The following SGMS1 variants were observed in gnomAD, a reference collection of about 807,000 sequenced individuals.
SGMS1 encodes the protein phosphatidylcholine:ceramide cholinephosphotransferase 1.
In SGMS1, 13 loss-of-function variants were observed where a neutral mutation model predicts 46.2. The ratio of observed to expected loss-of-function variants is 0.28; its 90% confidence interval spans 0.18 to 0.45. The LOEUF (loss-of-function observed/expected upper bound fraction) is 0.45, where lower values mean the gene tolerates loss of function less well. Ranked by LOEUF, SGMS1 falls within the 20% of genes least tolerant of loss-of-function variation. The pLI, the probability that SGMS1 is intolerant of heterozygous loss-of-function variation, is 1.00. For synonymous variants in SGMS1, 203 were observed against 187.8 expected (o/e 1.08, Z -0.66); for missense variants, 324 against 519.9 (o/e 0.62, Z 3.66).
chr10:50,482,982 G>C (rs1837490147), intron 3 of SGMS1, among the ~76,000 whole-genome samples: 1 of 152,146 alleles, frequency 6.6e-6, no homozygotes, highest in African/African-American at 2.4e-5. Flanking sequence ...AATGGTAAAG[G>C]GTTCAATTCC....
chr10:50,588,813 T>G (rs965805880), intron 2 of SGMS1, among the ~76,000 whole-genome samples: 2 of 135,432 alleles, frequency 1.5e-5, no homozygotes, highest in African/African-American at 2.8e-5. Context: ...CACCGCAACC[T>G]CTGCCTCCCA....
In SGMS1 at chr10:50,501,404, C is replaced by T. The variant is rs534058580; in HGVS notation, c.-498+18427G>A. On this transcript the variant is annotated intron_variant, in intron 3 of 10. Transcript: ENST00000361781. ...TGTATTTTCTACATTTTATATAAAA[C>T]TTTATATTATATACAAAAGTACTCT... 9.1e-4 allele frequency among the ~76,000 whole-genome samples: 139 copies of T among 152,218 alleles called. 1 individual carries two copies. The Middle Eastern group carries it at 0.031, about 34-fold the overall frequency.
At chr10:50,413,920 C>G (rs888463877) in intron 6 of SGMS1, among the ~76,000 whole-genome samples, 1 of 152,250 alleles carries the variant, frequency 6.6e-6, no homozygotes, top group Non-Finnish European at 1.5e-5. Flanking sequence ...GTGACCATCT[C>G]TCTTTTACCA....
intron 1 of SGMS1, among the ~76,000 whole-genome samples, chr10:50,604,677 CAT>C (rs761533813): frequency 3.3e-5 from 5 of 152,204 alleles, no homozygotes; most frequent in East Asian, 1.9e-4. Flanking sequence ...AAGTATTAAA[CAT>C]GTGTGTTTAC....
chr10:50,623,113 C>G (rs530971905), intron 1 of SGMS1, among the ~76,000 whole-genome samples: 3 of 151,812 alleles, frequency 2.0e-5, no homozygotes, highest in Admixed American at 6.5e-5. Flanking sequence ...AGAAGGGGAG[C>G]GCTCCTCGGG....
intron 3 of SGMS1, among the ~76,000 whole-genome samples, chr10:50,471,442 C>T (rs983130120): frequency 1.3e-5 from 2 of 152,166 alleles, no homozygotes; most frequent in African/African-American, 4.8e-5. Context: ...TCAACCAACA[C>T]AACCACTTCC....
chr10:50,421,570 C>T (rs997997126), intron 6 of SGMS1, among the ~76,000 whole-genome samples: 1 of 152,136 alleles, frequency 6.6e-6, no homozygotes, highest in African/African-American at 2.4e-5. Context: ...AACTGACCAC[C>T]TCTCAGTCAC....
intron 2 of SGMS1, among the ~76,000 whole-genome samples, chr10:50,558,575 G>A (rs1370322691): frequency 1.3e-5 from 2 of 152,136 alleles, no homozygotes; most frequent in Non-Finnish European, 2.9e-5. Flanking sequence ...CCAAGGCCTG[G>A]AACCAAATGT....
intron 5 of SGMS1, among the ~76,000 whole-genome samples, chr10:50,448,128 T>C (rs1256773580): frequency 6.6e-6 from 1 of 152,084 alleles, no homozygotes; most frequent in Non-Finnish European, 1.5e-5. Flanking sequence ...CACCACTGTA[T>C]ATTCAGCTGT....
chr10:50,333,150 C>T (rs1021310585), intron 7 of SGMS1, among the ~76,000 whole-genome samples: 18 of 152,082 alleles, frequency 1.2e-4, no homozygotes, highest in African/African-American at 3.9e-4. Flanking sequence ...TCACCATTAC[C>T]AACAAAAATG....
At chr10:50,532,443 A>G (rs1205518101) in intron 2 of SGMS1, among the ~76,000 whole-genome samples, 2 of 152,120 alleles carry the variant, frequency 1.3e-5, no homozygotes, top group Admixed American at 6.5e-5. Context: ...ATCCATCTCA[A>G]TTTTTAATAT....
At chr10:50,468,518 G>A in intron 3 of SGMS1, among the ~76,000 whole-genome samples, 1 of 152,132 alleles carries the variant, frequency 6.6e-6, no homozygotes, top group East Asian at 1.9e-4. Context: ...ATTTCATAAG[G>A]GATAATTTTC....
chr10:50,332,395 TCTATC>T lies in SGMS1; in HGVS notation c.624-5078_624-5074del, dbSNP rs1248545666. Among the ~76,000 whole-genome samples, 5 of 152,246 alleles carry T rather than the reference TCTATC, an allele frequency of 3.3e-5. No homozygotes were observed. In the South Asian group the frequency reaches 1.0e-3, roughly 32 times the overall value. ...TACTCTAAGGAAGCCCCTGCTCCTCTCTATCCTATCCTTCTATTTTAATTTCTTTA... is the reference window on the plus strand; with the variant it reads ...TACTCTAAGGAAGCCCCTGCTCCTCTCTATCCTTCTATTTTAATTTCTTTA... On this transcript the variant is annotated intron_variant, in intron 7 of 10. Coordinates refer to ENST00000361781, the MANE Select transcript of SGMS1 (RefSeq NM_147156.4).
intron 1 of SGMS1, among the ~76,000 whole-genome samples, chr10:50,595,755 A>G (rs1838585710): frequency 6.6e-6 from 1 of 152,172 alleles, no homozygotes; most frequent in Non-Finnish European, 1.5e-5. Flanking sequence ...CATGAAGGAA[A>G]CAGATGCCAT....
intron 3 of SGMS1, among the ~76,000 whole-genome samples, chr10:50,509,248 T>C (rs1837733495): frequency 6.6e-6 from 1 of 152,208 alleles, no homozygotes. Context: ...ATCTTTACTT[T>C]GATTTATAAA....
intron 2 of SGMS1, among the ~76,000 whole-genome samples, chr10:50,572,768 A>G (rs1434291251): frequency 6.6e-6 from 1 of 152,176 alleles, no homozygotes; most frequent in Non-Finnish European, 1.5e-5. Context: ...TTAGAAAAAG[A>G]TCCTTTTTGT....
intron 8 of SGMS1, among the ~76,000 whole-genome samples, chr10:50,325,780 C>A (rs114678967): frequency 2.2e-3 from 332 of 152,292 alleles, no homozygotes; most frequent in African/African-American, 7.8e-3. Context: ...TCTACCTACC[C>A]CTTGGTAGCA....
intron 5 of SGMS1, among the ~76,000 whole-genome samples, chr10:50,437,322 T>C (rs1434271662): frequency 6.6e-6 from 1 of 152,182 alleles, no homozygotes; most frequent in South Asian, 2.1e-4. Flanking sequence ...GCATGTAACT[T>C]GGAAGCAAAA....
At chr10:50,343,195 C>T (rs1452564387) in intron 7 of SGMS1, 1 of 259,738 alleles carries the variant, frequency 3.9e-6, no homozygotes. Flanking sequence ...GTTCAATAGC[C>T]TGTACTGTCT....
Sources: allele counts gnomAD v4.1 joint callset (sites outside exome capture counted in the v4.1 genomes callset), GRCh38; gene constraint gnomAD v4.1.1; transcripts MANE v1.5; gene names NCBI Gene and HGNC (gene_info 2026-07-23, HGNC 2026-07-21).